TNIK: variants seen among roughly 807,000 people sequenced by gnomAD.
TNIK encodes the protein TRAF2 and NCK interacting kinase, also known as TRAF2 and NCK-interacting protein kinase.
Under a neutral mutation model 191.3 loss-of-function variants are expected in TNIK, and 49 were observed. The ratio of observed to expected loss-of-function variants is 0.26; its 90% CI spans 0.20 to 0.32. The LOEUF (loss-of-function observed/expected upper bound fraction) is 0.32, where lower values mean the gene tolerates loss of function less well. Among genes scored for constraint, TNIK ranks in the 10% least tolerant of loss-of-function variants. TNIK has a pLI of 1.00. For synonymous variants in TNIK, 594 were observed against 600.9 expected, an observed-to-expected ratio of 0.99 and a Z score of 0.17; for missense variants, 1,155 against 1,702.3, an observed-to-expected ratio of 0.68 and a Z score of 5.66.
chr3:171,224,950 C>T (rs944509800), intron 3 of TNIK, among the ~76,000 whole-genome samples: 2 of 152,122 alleles, frequency 1.3e-5, no homozygotes, highest in Non-Finnish European at 2.9e-5. Flanking sequence ...CCAGTTCTCT[C>T]AATGGCTGTT....
chr3:171,436,385 T>C (rs1726035725), intron 1 of TNIK, among the ~76,000 whole-genome samples: 1 of 152,224 alleles, frequency 6.6e-6, no homozygotes, highest in East Asian at 1.9e-4. Flanking sequence ...TATTGTGTAT[T>C]TGCAACATGG....
intron 2 of TNIK, among the ~76,000 whole-genome samples, chr3:171,316,518 A>G (rs1205027597): frequency 6.6e-6 from 1 of 152,146 alleles, no homozygotes; most frequent in Non-Finnish European, 1.5e-5. Context: ...GCCTGCAGAC[A>G]TAAAGTATGG....
At chr3:171,188,462 T>A (rs950523650) in intron 7 of TNIK, among the ~76,000 whole-genome samples, 1 of 152,310 alleles carries the variant, frequency 6.6e-6, no homozygotes, top group Non-Finnish European at 1.5e-5. Flanking sequence ...TAAAAAAATA[T>A]AGAAAATGAT....
At chr3:171,069,623 C>T (rs564173761) in intron 29 of TNIK, among the ~76,000 whole-genome samples, 2 of 152,270 alleles carry the variant, frequency 1.3e-5, no homozygotes, top group East Asian at 3.9e-4. Context: ...TTGGGTTTAA[C>T]TAGAAAGCAA....
intron 2 of TNIK, among the ~76,000 whole-genome samples, chr3:171,295,147 A>G (rs555408039): frequency 6.6e-6 from 1 of 152,310 alleles, no homozygotes; most frequent in African/African-American, 2.4e-5. Context: ...CTTCACTGTG[A>G]AGCAGGCCAG....
intron 14 of TNIK, 88 bp downstream of exon 14, chr3:171,139,374 GCGCGCACA>G (rs1730464332): frequency 3.5e-5 from 20 of 567,338 alleles, no homozygotes; most frequent in Non-Finnish European, 5.4e-5. Context: ...ACACACGCAC[GCGCGCACA>G]CACACACACA....
At chr3:171,165,340 T>G (rs1166848329) in intron 10 of TNIK, among the ~76,000 whole-genome samples, 2 of 145,770 alleles carry the variant, frequency 1.4e-5, no homozygotes, top group East Asian at 2.0e-4. Context: ...CCCAGCACTT[T>G]GAGAGGCTGA....
At chr3:171,339,112 C>T (rs1320637858) in intron 2 of TNIK, among the ~76,000 whole-genome samples, 2 of 152,210 alleles carry the variant, frequency 1.3e-5, no homozygotes, top group African/African-American at 4.8e-5. Context: ...ATACACATTT[C>T]TGTTTTCTCC....
intron 2 of TNIK, among the ~76,000 whole-genome samples, chr3:171,240,377 G>C (rs1052783844): frequency 6.6e-6 from 1 of 152,116 alleles, no homozygotes; most frequent in Non-Finnish European, 1.5e-5. Context: ...CTAATTAGTG[G>C]GTCTAGAGTT....
intron 1 of TNIK, among the ~76,000 whole-genome samples, chr3:171,444,574 TAAA>T (rs776537688): frequency 2.2e-5 from 2 of 90,836 alleles, no homozygotes; most frequent in African/African-American, 7.2e-5. Flanking sequence ...ATAAACTTGC[TAAA>T]AAAAAAAAAA....
chr3:171,397,468 TAGGAAG>T, intron 1 of TNIK, among the ~76,000 whole-genome samples: 1 of 152,190 alleles, frequency 6.6e-6, no homozygotes, highest in South Asian at 2.1e-4. Flanking sequence ...TAGGAGGACC[TAGGAAG>T]CAGAAATTCT....
At chr3:171,192,112 T>C (rs913041744) in intron 5 of TNIK, among the ~76,000 whole-genome samples, 1 of 152,192 alleles carries the variant, frequency 6.6e-6, no homozygotes, top group African/African-American at 2.4e-5. Flanking sequence ...GACCCACATA[T>C]ACATTTAGAG....
intron 3 of TNIK, among the ~76,000 whole-genome samples, chr3:171,224,612 A>AC (rs1488246917): frequency 6.6e-6 from 1 of 152,134 alleles, no homozygotes; most frequent in African/African-American, 2.4e-5. Flanking sequence ...TTTTGAGGCT[A>AC]CCCCAGAAAT....
At position 171,079,713 on chromosome 3, in the gene TNIK, C is replaced by T. The variant is rs1048271588; in HGVS notation, c.3314-61G>A. The T allele has an allele frequency of 1.3e-5, 19 of 1,517,042 alleles. No individual in the cohort carries two copies. In the African/African-American group the frequency reaches 2.5e-4, roughly 20 times the overall value. 94.0% of individuals were successfully genotyped at this position (1,517,042 alleles called of 1,614,324 possible). A position where few individuals can be genotyped will look rare whatever the true frequency, so the allele number is the denominator to read the frequency against. On this transcript the variant is annotated intron_variant, in intron 27 of 32. Coordinates refer to ENST00000436636, the MANE Select transcript of TNIK (RefSeq NM_015028.4). ...GTGACAGCTCTCACTTTTTCCTTCC[C>T]CACCTCCATTTATTTCTAATTTATT...
At chr3:171,133,331 G>A (rs1198154790) in intron 15 of TNIK, among the ~76,000 whole-genome samples, 1 of 152,198 alleles carries the variant, frequency 6.6e-6, no homozygotes, top group African/African-American at 2.4e-5. Context: ...TGGGAGAGGT[G>A]GGTGAAGAGA....
intron 2 of TNIK, among the ~76,000 whole-genome samples, chr3:171,331,792 G>A (rs1756443824): frequency 1.3e-5 from 2 of 152,034 alleles, no homozygotes; most frequent in African/African-American, 4.8e-5. Flanking sequence ...AAGTCACACG[G>A]GCCTTTTTGA....
At chr3:171,325,274 A>T (rs537154625) in intron 2 of TNIK, among the ~76,000 whole-genome samples, 323 of 152,194 alleles carry the variant, frequency 2.1e-3, no homozygotes, top group Admixed American at 4.7e-3. Flanking sequence ...TAAAGTAATG[A>T]TGGTTTTATA....
intron 1 of TNIK, among the ~76,000 whole-genome samples, chr3:171,397,643 A>T (rs1210455413): frequency 6.6e-6 from 1 of 152,184 alleles, no homozygotes; most frequent in African/African-American, 2.4e-5. Flanking sequence ...ACAACTTACC[A>T]AAAAAATTTA....
chr3:171,330,987 G>A (rs75695033), intron 2 of TNIK, among the ~76,000 whole-genome samples: 2,300 of 152,228 alleles, frequency 0.015, 57 homozygotes, highest in East Asian at 0.062. Context: ...ACACCACCAC[G>A]AGTTATAGAG....
Sources: allele counts gnomAD v4.1 joint callset (sites outside exome capture counted in the v4.1 genomes callset), GRCh38; gene constraint gnomAD v4.1.1; transcripts MANE v1.5; gene names NCBI Gene and HGNC (gene_info 2026-07-23, HGNC 2026-07-21).